UBE2U: variants seen among roughly 807,000 people sequenced by gnomAD.
UBE2U encodes ubiquitin-conjugating enzyme E2 U.
In UBE2U, 39 loss-of-function variants were observed where a neutral mutation model predicts 41.2. The observed-to-expected ratio is 0.95, with a 90% CI of 0.73 to 1.24. The LOEUF is 1.24. Among genes scored for constraint, UBE2U ranks in the 50% most tolerant of loss-of-function variants. The pLI, the probability that UBE2U is intolerant of heterozygous loss-of-function variation, is 0.00. For synonymous variants in UBE2U, 107 were observed against 117.8 expected, an observed-to-expected ratio of 0.91 and a Z score of 0.60; for missense variants, 336 against 363.1, an observed-to-expected ratio of 0.93 and a Z score of 0.61.
intron 5 of UBE2U, among the ~76,000 whole-genome samples, chr1:64,219,850 G>A (rs1164806417): frequency 2.0e-5 from 3 of 152,052 alleles, no homozygotes; most frequent in African/African-American, 7.2e-5. Flanking sequence ...TGCCTGCCTT[G>A]GCCTCCCAAA....
chr1:64,204,879 T>C (rs145551673), intron 1 of UBE2U, among the ~76,000 whole-genome samples: 93 of 152,350 alleles, frequency 6.1e-4, no homozygotes, highest in African/African-American at 2.0e-3. Flanking sequence ...CTGGAGATGT[T>C]AGGAACAATT....
At chr1:64,262,983 T>G (rs534977954) in intron 9 of UBE2U, among the ~76,000 whole-genome samples, 2 of 152,210 alleles carry the variant, frequency 1.3e-5, no homozygotes, top group Admixed American at 6.5e-5. Flanking sequence ...AAGTAAATAG[T>G]AGGATGAAGT....
intron 6 of UBE2U, among the ~76,000 whole-genome samples, chr1:64,230,905 C>T (rs1053070548): frequency 5.9e-5 from 9 of 152,102 alleles, no homozygotes; most frequent in African/African-American, 2.2e-4. Context: ...TCAGTAAATT[C>T]CCATCATTGG....
At chr1:64,206,901 T>C in intron 3 of UBE2U, 45 bp downstream of exon 3, 1 of 1,085,304 alleles carries the variant, frequency 9.2e-7, no homozygotes, top group Non-Finnish European at 1.4e-6. Flanking sequence ...TTTGTCCCTA[T>C]TATCCTTGTT....
intron 8 of UBE2U, among the ~76,000 whole-genome samples, chr1:64,252,681 GCCTACCTGTTAAAAGAAAAA>G (rs1459338236): frequency 6.6e-6 from 1 of 152,062 alleles, no homozygotes; most frequent in Non-Finnish European, 1.5e-5. Context: ...ACAGTCAGTG[GCCTACCTGTTAAAAGAAAAA>G]CAAACAAACA....
intron 8 of UBE2U, among the ~76,000 whole-genome samples, chr1:64,251,088 G>T (rs960454917): frequency 2.0e-5 from 3 of 151,402 alleles, no homozygotes; most frequent in Non-Finnish European, 4.4e-5. Flanking sequence ...TCAATAAATA[G>T]GGAATCCTTC....
At chr1:64,251,066 AAAAT>A (rs1021660008) in intron 8 of UBE2U, among the ~76,000 whole-genome samples, 4 of 152,074 alleles carry the variant, frequency 2.6e-5, no homozygotes, top group South Asian at 2.1e-4. Flanking sequence ...AGTATAATAA[AAAAT>A]AAATAAATCA....
chr1:64,211,965 TTATAA>T (rs67777472), intron 4 of UBE2U, among the ~76,000 whole-genome samples: 1,596 of 152,336 alleles, frequency 0.01, 23 homozygotes, highest in Non-Finnish European at 0.018. Context: ...AAATATAGAA[TTATAA>T]TATAAATTGC....
chr1:64,211,985 C>T (rs1434087242), intron 4 of UBE2U, among the ~76,000 whole-genome samples: 2 of 152,080 alleles, frequency 1.3e-5, no homozygotes, highest in Admixed American at 1.3e-4. Context: ...AATTGCATTT[C>T]TTCTATTTCT....
chr1:64,214,750 G>C, intron 4 of UBE2U, 65 bp from the exon 5 acceptor site: 2 of 1,229,194 alleles, frequency 1.6e-6, no homozygotes, highest in Non-Finnish European at 2.4e-6. Flanking sequence ...GTATATATTG[G>C]TTTGTCGTTT....
intron 8 of UBE2U, among the ~76,000 whole-genome samples, chr1:64,249,752 G>T (rs1644978035): frequency 6.6e-6 from 1 of 151,918 alleles, no homozygotes; most frequent in African/African-American, 2.4e-5. Flanking sequence ...AGACTGAAAA[G>T]AAACGAAAGA....
At chr1:64,243,834 G>T (rs1300642545) in intron 8 of UBE2U, among the ~76,000 whole-genome samples, 1 of 150,592 alleles carries the variant, frequency 6.6e-6, no homozygotes, top group Non-Finnish European at 1.5e-5. Flanking sequence ...TTAAAAAGTG[G>T]AATGTGGAGC....
chr1:64,225,482 A>G (rs1297678894), intron 6 of UBE2U, among the ~76,000 whole-genome samples: 1 of 152,252 alleles, frequency 6.6e-6, no homozygotes, highest in Non-Finnish European at 1.5e-5. Flanking sequence ...ACACTGTTGA[A>G]CAGCTTTTAG....
At chr1:64,211,925 T>C (rs1000082382) in intron 4 of UBE2U, among the ~76,000 whole-genome samples, 1 of 152,256 alleles carries the variant, frequency 6.6e-6, no homozygotes, top group African/African-American at 2.4e-5. Flanking sequence ...ATACTTGGAA[T>C]ATAAAATACT....
chr1:64,239,095 A>AGAGGAAGAGGAAGAGGAAGAGGAAGAG (rs1491587912), intron 7 of UBE2U, among the ~76,000 whole-genome samples: 1 of 13,012 alleles, frequency 7.7e-5, no homozygotes, highest in African/African-American at 5.0e-4. Context: ...AGGAAGAGGA[A>AGAGGAAGAGGAAGAGGAAGAGGAAGAG]GAAGAAGAAG....
At chr1:64,229,670 T>C (rs1353169007) in intron 6 of UBE2U, among the ~76,000 whole-genome samples, 2 of 152,196 alleles carry the variant, frequency 1.3e-5, no homozygotes, top group African/African-American at 4.8e-5. Context: ...GGGGTTTAAT[T>C]GTTAGGCTTT....
At chr1:64,255,449 C>T (rs916551657) in intron 8 of UBE2U, among the ~76,000 whole-genome samples, 10 of 152,144 alleles carry the variant, frequency 6.6e-5, no homozygotes, top group African/African-American at 2.4e-4. Context: ...ATACCAAAAC[C>T]TGGCAGAGAT....
At chr1:64,230,760 G>A (rs965734397) in intron 6 of UBE2U, among the ~76,000 whole-genome samples, 10 of 152,028 alleles carry the variant, frequency 6.6e-5, no homozygotes, top group African/African-American at 1.2e-4. Flanking sequence ...ACACTTTATC[G>A]CGTTAATATA....
chr1:64,207,386 C>G (rs777123628), intron 3 of UBE2U, among the ~76,000 whole-genome samples: 8 of 152,106 alleles, frequency 5.3e-5, no homozygotes, highest in Non-Finnish European at 7.3e-5. Context: ...CCTGACCATC[C>G]GCCCACTTTG....
Sources: gnomAD v4.1 joint callset for allele counts (sites outside exome capture counted in the v4.1 genomes callset) on GRCh38, gnomAD v4.1.1 for gene constraint, MANE v1.5 for transcripts, NCBI Gene and HGNC (gene_info 2026-07-23, HGNC 2026-07-21) for gene names.